NR1H4: variants seen among roughly 807,000 people sequenced by gnomAD.
NR1H4 encodes the protein bile acid receptor.
In NR1H4, 23 loss-of-function variants were observed where a neutral mutation model predicts 58.5. That is an observed-to-expected ratio of 0.39 (90% CI 0.28 to 0.56). The LOEUF (loss-of-function observed/expected upper bound fraction) is 0.56. Among genes scored for constraint, NR1H4 ranks in the 20% least tolerant of loss-of-function variants. The pLI, the probability that NR1H4 is intolerant of heterozygous loss-of-function variation, is 0.58. For missense variants in NR1H4, 487 were observed against 576.9 expected (o/e 0.84, Z 1.60); for synonymous variants, 214 against 198.0 (o/e 1.08, Z -0.68).
At chr12:100,537,460 T>A (rs1954839285) in intron 8 of NR1H4, among the ~76,000 whole-genome samples, 1 of 152,206 alleles carries the variant, frequency 6.6e-6, no homozygotes, top group Non-Finnish European at 1.5e-5. Context: ...ATACCTACTC[T>A]ATACTAAGTG....
At position 100,501,644 on chromosome 12, in the gene NR1H4, G is replaced by C. The variant is rs141715503; in HGVS notation, c.79+8242G>C. Among the ~76,000 whole-genome samples the C allele has an allele frequency of 1.6e-3, 250 of 152,268 alleles. 4 individuals carry two copies. Among genetic ancestry groups the C allele is most frequent in the East Asian group, 0.013 (66 of 5,186 alleles). Reference sequence around the variant, plus strand: ...GAAGATCTGATGAGATAATGCATATGGAACCGCTTTGGAAACTTGTGAAGG... The same window carrying C: ...GAAGATCTGATGAGATAATGCATATCGAACCGCTTTGGAAACTTGTGAAGG... On this transcript the variant is annotated intron_variant, in intron 3 of 10. Coordinates refer to ENST00000392986, the MANE Select transcript of NR1H4 (RefSeq NM_001206979.2).
Position 100,553,524 on chromosome 12 carries a change from G to A in NR1H4, c.1079-8361G>A, listed in dbSNP as rs150103095. 5.7e-3 allele frequency among the ~76,000 whole-genome samples: 870 copies of A among 152,262 alleles called. 6 individuals are homozygous for A. The highest frequency in any genetic ancestry group is 0.02 in the African/African-American group (823 of 41,548). On this transcript the variant is annotated intron_variant, in intron 9 of 10. Transcript: ENST00000392986. ...ATCCTGCCTTGTATTTCAGGAAAAA[G>A]CATGAAGACATAAAAAGTGTATCCC... is the stretch of plus-strand genomic sequence containing the variant.
intron 1 of NR1H4, among the ~76,000 whole-genome samples, 194 bp from the exon 2 acceptor site, chr12:100,492,309 A>T (rs1217279267): frequency 6.6e-6 from 1 of 152,180 alleles, no homozygotes; most frequent in East Asian, 1.9e-4. Flanking sequence ...ATACATACTT[A>T]TCCAAAAAAC....
intron 4 of NR1H4, among the ~76,000 whole-genome samples, chr12:100,514,350 A>G (rs2136171627): frequency 6.6e-6 from 1 of 152,348 alleles, no homozygotes; most frequent in African/African-American, 2.4e-5. Flanking sequence ...AAGCAAGTTT[A>G]TAAATTTCAT....
At chr12:100,498,745 G>A (rs1172909056) in intron 3 of NR1H4, among the ~76,000 whole-genome samples, 1 of 152,106 alleles carries the variant, frequency 6.6e-6, no homozygotes, top group African/African-American at 2.4e-5. Flanking sequence ...TCCACGTCTT[G>A]TATTGCTTTT....
At chr12:100,532,741 G>A in intron 5 of NR1H4, 131 bp downstream of exon 5, 1 of 774,278 alleles carries the variant, frequency 1.3e-6, no homozygotes, top group Non-Finnish European at 2.1e-6. Flanking sequence ...CTTGAAAAGG[G>A]TAATGAACCA....
chr12:100,529,501 A>C (rs1954640986), intron 4 of NR1H4, among the ~76,000 whole-genome samples: 1 of 152,108 alleles, frequency 6.6e-6, no homozygotes, highest in African/African-American at 2.4e-5. Context: ...GCATTCAAGG[A>C]CACTTAATCA....
intron 9 of NR1H4, among the ~76,000 whole-genome samples, chr12:100,551,474 A>G (rs1030454): frequency 0.16 from 24,921 of 152,224 alleles, 2,602 homozygotes; most frequent in East Asian, 0.42. Flanking sequence ...ATGATAGACT[A>G]TTTATAAGAA....
intron 9 of NR1H4, among the ~76,000 whole-genome samples, chr12:100,558,811 G>A (rs1955394929): frequency 6.6e-6 from 1 of 152,250 alleles, no homozygotes; most frequent in African/African-American, 2.4e-5. Flanking sequence ...GTGTGATAGA[G>A]TGATAGAGTG....
intron 3 of NR1H4, among the ~76,000 whole-genome samples, chr12:100,494,926 A>G (rs1276949544): frequency 6.6e-6 from 1 of 152,168 alleles, no homozygotes; most frequent in Non-Finnish European, 1.5e-5. Context: ...TACTAAACCA[A>G]TCTATTCAGC....
At chr12:100,523,006 G>A (rs1461338081) in intron 4 of NR1H4, among the ~76,000 whole-genome samples, 2 of 152,158 alleles carry the variant, frequency 1.3e-5, no homozygotes, top group Non-Finnish European at 2.9e-5. Flanking sequence ...GAATTGGGTT[G>A]CAATAAACAT....
intron 4 of NR1H4, among the ~76,000 whole-genome samples, chr12:100,519,586 GC>G (rs1954360293): frequency 6.6e-6 from 1 of 152,204 alleles, no homozygotes; most frequent in Non-Finnish European, 1.5e-5. Flanking sequence ...GTGTTGGGAT[GC>G]CTGGCTTCCC....
At position 100,493,695 on chromosome 12, in the gene NR1H4, A is replaced by G. The variant is rs1174936778; in HGVS notation, c.79+293A>G. Among the ~76,000 whole-genome samples, 2 of 152,232 alleles carry G rather than the reference A, an allele frequency of 1.3e-5. 1 individual carries two copies. Among genetic ancestry groups the G allele is most frequent in the South Asian group, 4.1e-4 (2 of 4,832 alleles). On this transcript the variant is annotated intron_variant, in intron 3 of 10. Transcript: ENST00000392986. ...GGGAGTAGAAAGCGATTCCTCCTCT[A>G]AGGCTAATTCCAATATTATTATAGC...
chr12:100,508,537 A>C (rs1172584530), intron 3 of NR1H4, among the ~76,000 whole-genome samples: 1 of 152,130 alleles, frequency 6.6e-6, no homozygotes, highest in African/African-American at 2.4e-5. Context: ...CCTAGAGCTC[A>C]AGTCTCATCT....
intron 4 of NR1H4, among the ~76,000 whole-genome samples, chr12:100,523,994 C>T (rs539835869): frequency 7.0e-4 from 106 of 151,948 alleles, no homozygotes; most frequent in African/African-American, 2.4e-3. Context: ...AAAAGAGTAT[C>T]GAAAAGAATA....
chr12:100,520,805 G>T (rs1202516065), intron 4 of NR1H4, among the ~76,000 whole-genome samples: 1 of 152,140 alleles, frequency 6.6e-6, no homozygotes, highest in Non-Finnish European at 1.5e-5. Flanking sequence ...TATCCACCAT[G>T]TTAGCTGCGA....
intron 1 of NR1H4, among the ~76,000 whole-genome samples, chr12:100,481,783 G>T (rs1167492736): frequency 2.0e-5 from 3 of 151,948 alleles, no homozygotes; most frequent in Non-Finnish European, 4.4e-5. Flanking sequence ...GCATGGTGGC[G>T]GGTGCCTGTA....
At chr12:100,547,759 G>A (rs866505732) in intron 9 of NR1H4, among the ~76,000 whole-genome samples, 12 of 151,304 alleles carry the variant, frequency 7.9e-5, no homozygotes, top group East Asian at 4.0e-4. Flanking sequence ...TCACTCTGTC[G>A]CCCAGGCTGG....
intron 4 of NR1H4, among the ~76,000 whole-genome samples, chr12:100,521,811 T>G (rs1226112747): frequency 6.6e-6 from 1 of 152,196 alleles, no homozygotes; most frequent in Non-Finnish European, 1.5e-5. Context: ...TGACATCCTA[T>G]TTAAGATCAA....
Sources: gnomAD v4.1 joint callset for allele counts (sites outside exome capture counted in the v4.1 genomes callset) on GRCh38, gnomAD v4.1.1 for gene constraint, MANE v1.5 for transcripts, NCBI Gene and HGNC (gene_info 2026-07-23, HGNC 2026-07-21) for gene names.